DSCC1: variants seen among roughly 807,000 people sequenced by gnomAD.
DSCC1 encodes sister chromatid cohesion protein DCC1.
Under a neutral mutation model 48.2 loss-of-function variants are expected in DSCC1, and 32 were observed. That is an observed-to-expected ratio of 0.66 (90% CI 0.50 to 0.89). The LOEUF is 0.89. DSCC1 is among the 40% of genes least tolerant of loss of function. The pLI, the probability that DSCC1 is intolerant of heterozygous loss-of-function variation, is 0.00. For synonymous variants in DSCC1, 150 were observed against 171.5 expected (o/e 0.87, Z 0.98); for missense variants, 421 against 471.7 (o/e 0.89, Z 1.00).
chr8:119,837,315 A>G (rs944517358), intron 8 of DSCC1, among the ~76,000 whole-genome samples: 1 of 152,194 alleles, frequency 6.6e-6, no homozygotes, highest in Admixed American at 6.5e-5. Context: ...TGGCCTTAGG[A>G]GCAGGGACAA....
At chr8:119,841,195 T>C (rs1215613009) in intron 7 of DSCC1, among the ~76,000 whole-genome samples, 2 of 152,192 alleles carry the variant, frequency 1.3e-5, no homozygotes, top group East Asian at 2.0e-4. Context: ...TTTGGCCATG[T>C]TGGCCAGGCT....
intron 1 of DSCC1, among the ~76,000 whole-genome samples, chr8:119,854,993 TG>T (rs1826995220): frequency 1.3e-5 from 2 of 152,206 alleles, no homozygotes; most frequent in African/African-American, 4.8e-5. Flanking sequence ...TTGCAGGAGC[TG>T]GGGCTGCACA....
At chr8:119,839,975 C>T (rs1320044576) in intron 7 of DSCC1, 7 of 152,172 alleles carry the variant, frequency 4.6e-5, no homozygotes, top group Admixed American at 4.6e-4. Flanking sequence ...TTTCCCATGG[C>T]GTAGATCACT....
At chr8:119,841,242 T>C (rs1826763789) in intron 7 of DSCC1, among the ~76,000 whole-genome samples, 1 of 152,152 alleles carries the variant, frequency 6.6e-6, no homozygotes, top group Non-Finnish European at 1.5e-5. Flanking sequence ...TCTGCCTGCC[T>C]TGGTCTCTCA....
intron 6 of DSCC1, 31 bp downstream of exon 6, chr8:119,842,745 G>T: frequency 6.3e-7 from 1 of 1,576,300 alleles, no homozygotes; most frequent in South Asian, 1.1e-5. Context: ...TAACATATAA[G>T]AGTTAAATGA....
At chr8:119,853,293 C>T (rs1201859417) in intron 1 of DSCC1, 78 bp from the exon 2 acceptor site, 1 of 1,444,780 alleles carries the variant, frequency 6.9e-7, no homozygotes, top group Non-Finnish European at 9.3e-7. Context: ...TTCTCAAACC[C>T]TCTAGGCTTG....
rs770923004 is a variant in DSCC1, at chr8:119,846,973, G to A, written c.577+17C>T. On this transcript the variant is annotated intron_variant, in intron 4 of 8. Coordinates refer to ENST00000313655, the MANE Select transcript of DSCC1 (RefSeq NM_024094.3). Reference sequence around the variant, plus strand: ...GCCCAATTTCATCATTGTTAAAATAGTAGTAAGTAACGCTACCTCCAATCT... The same window carrying A: ...GCCCAATTTCATCATTGTTAAAATAATAGTAAGTAACGCTACCTCCAATCT... 11 of 1,609,188 alleles carry A rather than the reference G, an allele frequency of 6.8e-6. No individual in the cohort carries two copies. In the South Asian group the frequency reaches 9.9e-5, roughly 14 times the overall value.
intron 8 of DSCC1, among the ~76,000 whole-genome samples, chr8:119,836,723 T>C (rs1826690290): frequency 2.0e-5 from 3 of 151,420 alleles, no homozygotes; most frequent in African/African-American, 7.3e-5. Context: ...AGGGCAAGTA[T>C]GAAGATGGAA....
chr8:119,847,081 C>T lies in DSCC1; in HGVS notation c.487-1G>A. The stretch of plus-strand genomic sequence containing the variant: ...GATCAAGCAAATCTTCAGTTGTATA[C>T]TGCAAAAAGAAAAAAATATTTTAAG... On this transcript the variant is annotated splice_acceptor_variant, in intron 3 of 8. Coordinates refer to ENST00000313655, the MANE Select transcript of DSCC1 (RefSeq NM_024094.3). LOFTEE classifies it high-confidence loss of function. 7 of 1,611,314 alleles carry T rather than the reference C, an allele frequency of 4.3e-6. No homozygotes were observed. Among genetic ancestry groups the T allele is most frequent in the Non-Finnish European group, 5.1e-6 (6 of 1,179,542 alleles).
intron 4 of DSCC1, 53 bp from the exon 5 acceptor site, chr8:119,843,800 G>C (rs1826810731): frequency 6.4e-7 from 1 of 1,553,266 alleles, no homozygotes; most frequent in Non-Finnish European, 8.7e-7. Flanking sequence ...TTTTAAGGCA[G>C]GGTCTCAACT....
chr8:119,853,128 A>G lies in DSCC1; in HGVS notation c.270T>C (p.Asn90=), dbSNP rs1215898885. 1 of 1,614,102 alleles carries G rather than the reference A, an allele frequency of 6.2e-7. No homozygotes were observed. The highest frequency in any genetic ancestry group is 1.1e-5 in the South Asian group (1 of 91,076). The change falls in exon 2 of 9, where the codon AAT becomes AAC. Residue 90 remains asparagine, a synonymous_variant. Coordinates refer to ENST00000313655, the MANE Select transcript of DSCC1 (RefSeq NM_024094.3). The part of the protein sequence containing the change: ...TYDLKIADTS[N]MLLFIPGCKT... ...TACAACCAGGAATGAAAAGCAACAT[A>G]TTGGAAGTGTCTGCTATCTTCAAGT... is the stretch of plus-strand genomic sequence containing the variant.
intron 3 of DSCC1, among the ~76,000 whole-genome samples, chr8:119,848,914 G>A (rs958544355): frequency 2.6e-5 from 4 of 151,954 alleles, no homozygotes; most frequent in African/African-American, 7.3e-5. Flanking sequence ...GCCGGGCGCG[G>A]TGGCTCAAGC....
Position 119,842,766 on chromosome 8 carries a change from CA to C in DSCC1, c.769+9del. ...ATAAGAGTTAAATGAGAATACTTTCCAAATCTTACCTTCATCTACATATTTC... is the reference window on the plus strand; with the variant it reads ...ATAAGAGTTAAATGAGAATACTTTCCAATCTTACCTTCATCTACATATTTC... On this transcript the variant is annotated intron_variant, in intron 6 of 8. Transcript: ENST00000313655. 1 of 1,604,510 alleles carries C rather than the reference CA, an allele frequency of 6.2e-7. No individual in the cohort carries two copies. The highest frequency in any genetic ancestry group is 8.5e-7 in the Non-Finnish European group (1 of 1,173,366).
chr8:119,852,955 G>C (rs1826962336), intron 2 of DSCC1, 92 bp downstream of exon 2: 1 of 1,196,212 alleles, frequency 8.4e-7, no homozygotes, highest in Non-Finnish European at 1.1e-6. Context: ...CCTGATTATA[G>C]ATTTTACACG....
chr8:119,843,833 G>T, intron 4 of DSCC1, 86 bp from the exon 5 acceptor site: 1 of 1,398,194 alleles, frequency 7.2e-7, no homozygotes, highest in Non-Finnish European at 9.7e-7. Context: ...CTGGAGTTCA[G>T]TGGCGTGATC....
At chr8:119,844,378 G>A (rs989037400) in intron 4 of DSCC1, among the ~76,000 whole-genome samples, 2 of 148,646 alleles carry the variant, frequency 1.3e-5, no homozygotes, top group East Asian at 2.0e-4. Flanking sequence ...GGCCGAGGTT[G>A]TAGTGAGCCA....
Position 119,853,193 on chromosome 8 carries a change from C to CT in DSCC1, c.204dup (p.Asp69ArgfsTer9). ...TTACTGCACAGCACAGCTTGCTCGT[C>CT]TTTATCACCACGAATCACAAGACTG... On this transcript the variant is annotated frameshift_variant, in exon 2 of 9. Coordinates refer to ENST00000313655, the MANE Select transcript of DSCC1 (RefSeq NM_024094.3). LOFTEE classifies it high-confidence loss of function. The CT allele has an allele frequency of 6.2e-7, 1 of 1,610,730 alleles. No homozygotes were observed. The highest frequency in any genetic ancestry group is 8.5e-7 in the Non-Finnish European group (1 of 1,177,958).
At chr8:119,847,992 T>TAAA (rs113250934) in intron 3 of DSCC1, among the ~76,000 whole-genome samples, 42,536 of 151,166 alleles carry the variant, frequency 0.28, 6,044 homozygotes, top group East Asian at 0.5. Context: ...TTGTTTTTTT[T>TAAA]AAATACAGAG....
chr8:119,834,992 A>G lies in DSCC1; in HGVS notation c.1083T>C (p.Cys361=). The change falls in exon 9 of 9, where the codon TGT becomes TGC. Residue 361 remains cysteine, a synonymous_variant. Coordinates refer to ENST00000313655, the MANE Select transcript of DSCC1 (RefSeq NM_024094.3). ...ATGCACCTATGGTTTGCTTCTCTCC[A>G]CACAAATCTCTGTAGGAACAATAAA... ...EDIAPYIQDL[C]GEKQTIGALL... 2 of 1,590,132 alleles carry G rather than the reference A, an allele frequency of 1.3e-6. No homozygotes were observed. The highest frequency in any genetic ancestry group is 2.7e-5 in the African/African-American group (2 of 74,064).
Sources: allele counts gnomAD v4.1 joint callset (sites outside exome capture counted in the v4.1 genomes callset), GRCh38; gene constraint gnomAD v4.1.1; transcripts MANE v1.5; gene names NCBI Gene and HGNC (gene_info 2026-07-23, HGNC 2026-07-21).